The following ZNF292 variants were observed in gnomAD, a reference collection of about 807,000 sequenced individuals.
The protein encoded by ZNF292 is zinc finger protein 292.
In ZNF292, 26 loss-of-function variants were observed where a neutral mutation model predicts 217.9. The ratio of observed to expected loss-of-function variants is 0.12; its 90% CI spans 0.09 to 0.17. The LOEUF is 0.17. Ranked by LOEUF, ZNF292 falls within the 10% of genes least tolerant of loss-of-function variation. The pLI is 1.00. For missense variants in ZNF292, 2,904 were observed against 3,175.2 expected (o/e 0.91, Z 2.05); for synonymous variants, 1,257 against 1,124.1 (o/e 1.12, Z -2.37).
intron 1 of ZNF292, among the ~76,000 whole-genome samples, chr6:87,180,229 C>T (rs372423660): frequency 2.4e-4 from 36 of 152,382 alleles, no homozygotes; most frequent in South Asian, 1.4e-3. Context: ...TCAAAGCCAT[C>T]CTGGGCCACA....
At chr6:87,210,650 G>T (rs552669029) in intron 1 of ZNF292, among the ~76,000 whole-genome samples, 2 of 152,158 alleles carry the variant, frequency 1.3e-5, no homozygotes, top group African/African-American at 4.8e-5. Context: ...CTTGGTGGCG[G>T]GCGTCTGTAG....
chr6:87,257,960 C>T lies in ZNF292; in HGVS notation c.4331C>T (p.Pro1444Leu). ...LQQPQQSTFNPEACFKDPSFL... is the reference protein window; with the variant it reads ...LQQPQQSTFNLEACFKDPSFL... ...CAGCCACAACAATCTACCTTCAATC[C>T]AGAAGCATGTTTTAAAGATCCATCA... Residue 1444 changes from proline (P) to leucine (L), a missense_variant, in exon 8 of 8, where the codon CCA becomes CTA. Coordinates refer to ENST00000369577, the MANE Select transcript of ZNF292 (RefSeq NM_015021.3). 6.2e-7 allele frequency: 1 copy of T among 1,613,938 alleles called. No homozygotes were observed. Among genetic ancestry groups the T allele is most frequent in the South Asian group, 1.1e-5 (1 of 91,084 alleles).
At chr6:87,198,032 G>T (rs7776444) in intron 1 of ZNF292, among the ~76,000 whole-genome samples, 1 of 151,952 alleles carries the variant, frequency 6.6e-6, no homozygotes, top group African/African-American at 2.4e-5. Flanking sequence ...ATACTGATTG[G>T]TATTTTCTTT....
intron 1 of ZNF292, among the ~76,000 whole-genome samples, chr6:87,203,362 T>G (rs1772148836): frequency 6.6e-6 from 1 of 151,802 alleles, no homozygotes; most frequent in African/African-American, 2.4e-5. Context: ...ATGCTGATCT[T>G]GGACTTCTGA....
In ZNF292 at chr6:87,257,955, C is replaced by T. The variant is rs1775327367; in HGVS notation, c.4326C>T (p.Phe1442=). The stretch of plus-strand genomic sequence containing the variant: ...TGCAGCAGCCACAACAATCTACCTT[C>T]AATCCAGAAGCATGTTTTAAAGATC... The part of the protein sequence containing the change: ...VNLQQPQQST[F]NPEACFKDPS... Residue 1442 remains phenylalanine (F), a synonymous_variant, in exon 8 of 8, where the codon TTC becomes TTT. Transcript: ENST00000369577. 4 of 1,613,844 alleles carry T rather than the reference C, an allele frequency of 2.5e-6. No individual in the cohort carries two copies. The highest frequency in any genetic ancestry group is 2.5e-6 in the Non-Finnish European group (3 of 1,179,854).
intron 1 of ZNF292, among the ~76,000 whole-genome samples, chr6:87,165,803 G>A (rs868423703): frequency 2.8e-5 from 4 of 141,970 alleles, no homozygotes; most frequent in African/African-American, 1.1e-4. Context: ...TTGTCTCCCA[G>A]GCTGGAGTGC....
At chr6:87,221,618 G>A (rs1773084570) in intron 4 of ZNF292, among the ~76,000 whole-genome samples, 1 of 152,078 alleles carries the variant, frequency 6.6e-6, no homozygotes, top group East Asian at 1.9e-4. Context: ...TTGCCATCAT[G>A]TCTACACTTA....
chr6:87,169,745 C>G, intron 1 of ZNF292: 1 of 435,068 alleles, frequency 2.3e-6, no homozygotes, highest in Non-Finnish European at 4.6e-6. Context: ...CTCCCGGGCT[C>G]AAGTGATCCT....
rs141419306 is a variant in ZNF292, at chr6:87,187,554, C to T, written c.169-28349C>T. On this transcript the variant is annotated intron_variant, in intron 1 of 7. Coordinates refer to ENST00000369577, the MANE Select transcript of ZNF292 (RefSeq NM_015021.3). ...GCCAACATGGTGAAACCCATCTCTACTAAAAATACAAAAATTAGCCAAGTA... is the reference window on the plus strand; with the variant it reads ...GCCAACATGGTGAAACCCATCTCTATTAAAAATACAAAAATTAGCCAAGTA... Among the ~76,000 whole-genome samples the T allele has an allele frequency of 4.0e-5, 6 of 151,882 alleles. No homozygotes were observed. In the South Asian group the frequency reaches 1.3e-3, roughly 32 times the overall value.
chr6:87,257,531 T>C lies in ZNF292; in HGVS notation c.3902T>C (p.Ile1301Thr), dbSNP rs368837393. 7 of 1,608,416 alleles carry C rather than the reference T, an allele frequency of 4.4e-6. No individual in the cohort carries two copies. In the African/African-American group the frequency reaches 8.0e-5, roughly 18 times the overall value. Residue 1301 changes from isoleucine (I) to threonine (T), a missense_variant, in exon 8 of 8, where the codon ATT becomes ACT. Physicochemically the swap from Ile to Thr is moderately conservative, Grantham distance 89. This residue lies in a region of ZNF292 where 687 missense variants were observed against 623.0 expected (regional missense o/e 1.10). Coordinates refer to ENST00000369577, the MANE Select transcript of ZNF292 (RefSeq NM_015021.3). ...ENNTNHYSSQIEGNTNSSFLK... is the reference protein window; with the variant it reads ...ENNTNHYSSQTEGNTNSSFLK... ...AATACAAATCATTATTCCTCACAGA[T>C]TGAAGGAAACACTAATTCCTCCTTT...
chr6:87,233,760 G>C (rs1773765755), intron 5 of ZNF292: 1 of 638,744 alleles, frequency 1.6e-6, no homozygotes, highest in African/African-American at 2.0e-5. Context: ...AAATGCTTTG[G>C]CTAAATTGTG....
rs1562189466 is a variant in ZNF292, at chr6:87,258,615, T to G, written c.4986T>G (p.Val1662=). The change falls in exon 8 of 8, where the codon GTT becomes GTG. Residue 1662 remains valine, a synonymous_variant. Transcript: ENST00000369577. ...CAATGGGACTCATAGCAAAGAGTGT[T>G]GAAATCCCAACTACTAACCTTCATT... The part of the protein sequence containing the change: ...LTTMGLIAKS[V]EIPTTNLHSN... The G allele has an allele frequency of 6.2e-7, 1 of 1,613,646 alleles. No individual in the cohort carries two copies. Among genetic ancestry groups the G allele is most frequent in the Non-Finnish European group, 8.5e-7 (1 of 1,179,760 alleles).
chr6:87,265,670 C>G lies in ZNF292; in HGVS notation c.*3869C>G, dbSNP rs187058388. On this transcript the variant is annotated 3_prime_UTR_variant, in exon 8 of 8. Transcript: ENST00000369577. ...TAATACTTAGTTATATCCCACTGAA[C>G]TAGCATTCTAAAGAACACACTTTGG... Among the ~76,000 whole-genome samples, 1 of 152,330 alleles carries G rather than the reference C, an allele frequency of 6.6e-6. No individual in the cohort carries two copies. Among genetic ancestry groups the G allele is most frequent in the Admixed American group, 6.5e-5 (1 of 15,300 alleles).
intron 1 of ZNF292, among the ~76,000 whole-genome samples, chr6:87,181,103 C>T (rs1771458700): frequency 6.6e-6 from 1 of 152,142 alleles, no homozygotes; most frequent in South Asian, 2.1e-4. Flanking sequence ...TTGCCGTCTG[C>T]AGACGGCTTT....
intron 1 of ZNF292, 130 bp from the exon 2 acceptor site, chr6:87,215,771 AAT>A: frequency 1.7e-6 from 1 of 596,496 alleles, no homozygotes; most frequent in Admixed American, 3.7e-5. Flanking sequence ...TATTTTAATC[AAT>A]ATAAACTACT....
Position 87,261,933 on chromosome 6 carries a change from A to AG in ZNF292, c.*133dup, listed in dbSNP as rs1491163137. On this transcript the variant is annotated 3_prime_UTR_variant, in exon 8 of 8. Coordinates refer to ENST00000369577, the MANE Select transcript of ZNF292 (RefSeq NM_015021.3). ...GAATTAACCTGGCCAAAAACAAAAA[A>AG]GAAAAAAAAAACATGACATTTGTCA... The AG allele has an allele frequency of 1.5e-6, 1 of 657,806 alleles. No homozygotes were observed. Among genetic ancestry groups the AG allele is most frequent in the East Asian group, 3.2e-5 (1 of 31,492 alleles). The allele number at this position is 657,806 out of a possible 1,614,324, so 40.7% of individuals were successfully genotyped here.
intron 1 of ZNF292, among the ~76,000 whole-genome samples, chr6:87,172,827 AG>A (rs1217279134): frequency 6.6e-6 from 1 of 151,636 alleles, no homozygotes; most frequent in Non-Finnish European, 1.5e-5. Context: ...GGATCACCTG[AG>A]CCTGGGAAGT....
At position 87,260,352 on chromosome 6, in the gene ZNF292, C is replaced by T. The variant is rs367626971; in HGVS notation, c.6723C>T (p.His2241=). The change falls in exon 8 of 8, where the codon CAC becomes CAT. Residue 2241 remains histidine (H), a synonymous_variant. Coordinates refer to ENST00000369577, the MANE Select transcript of ZNF292 (RefSeq NM_015021.3). The part of the protein sequence containing the change: ...LNYVVHLEAD[H]GIGLRASKTE... ...ATGTTGTTCATCTAGAGGCAGACCA[C>T]GGGATTGGACTAAGGGCAAGTAAAA... 4,261 of 1,613,110 alleles carry T rather than the reference C, an allele frequency of 2.6e-3. 115 individuals are homozygous for T. In the South Asian group the frequency reaches 0.044, roughly 16 times the overall value.
chr6:87,216,339 T>A lies in ZNF292; in HGVS notation c.364T>A (p.Ser122Thr). ...TTTACTGTGTCTGCCTGTTGAGTTA[T>A]CAGATAAACAGTGGGAACAATTTCA... ...ELLLCLPVEL[S>T]DKQWEQFQTL... Residue 122 changes from serine (S) to threonine (T), a missense_variant, in exon 3 of 8, where the codon TCA becomes ACA. Transcript: ENST00000369577. 6.3e-7 allele frequency: 1 copy of A among 1,587,030 alleles called. No individual in the cohort carries two copies. Among genetic ancestry groups the A allele is most frequent in the Non-Finnish European group, 8.6e-7 (1 of 1,164,634 alleles).
Sources: gnomAD v4.1 joint callset for allele counts (sites outside exome capture counted in the v4.1 genomes callset) on GRCh38, gnomAD v4.1.1 for gene constraint, gnomAD v4.1.1 regional missense constraint, MANE v1.5 for transcripts, NCBI Gene and HGNC (gene_info 2026-07-23, HGNC 2026-07-21) for gene names.